NALCN: variants seen among roughly 807,000 people sequenced by gnomAD.
NALCN encodes the protein sodium leak channel NALCN.
Under a neutral mutation model 225.3 loss-of-function variants are expected in NALCN, and 111 were observed. The observed-to-expected ratio is 0.49, with a 90% confidence interval of 0.42 to 0.58. The LOEUF is 0.58. Ranked by LOEUF, NALCN falls within the 20% of genes least tolerant of loss-of-function variation. The pLI, the probability that NALCN is intolerant of heterozygous loss-of-function variation, is 0.00. For synonymous variants in NALCN, 764 were observed against 769.0 expected (o/e 0.99, Z 0.11); for missense variants, 1,378 against 2,202.4 (o/e 0.63, Z 7.49).
At chr13:101,245,909 C>T (rs896118306) in intron 11 of NALCN, among the ~76,000 whole-genome samples, 1 of 152,164 alleles carries the variant, frequency 6.6e-6, no homozygotes, top group African/African-American at 2.4e-5. Context: ...TCACCTCAGC[C>T]TCTGATTGCG....
At chr13:101,393,529 C>T (rs1207995488) in intron 3 of NALCN, among the ~76,000 whole-genome samples, 1 of 152,102 alleles carries the variant, frequency 6.6e-6, no homozygotes, top group African/African-American at 2.4e-5. Context: ...AAAGCTGAAA[C>T]TTAGTGGACT....
chr13:101,366,517 C>T (rs1399844586), intron 6 of NALCN, among the ~76,000 whole-genome samples: 1 of 152,076 alleles, frequency 6.6e-6, no homozygotes, highest in African/African-American at 2.4e-5. Flanking sequence ...AATCGTTTCT[C>T]TTAAATGATT....
chr13:101,240,870 A>G (rs923409481), intron 11 of NALCN, among the ~76,000 whole-genome samples: 12 of 152,186 alleles, frequency 7.9e-5, no homozygotes, highest in African/African-American at 2.9e-4. Flanking sequence ...AAAACTCTAG[A>G]TGATAATGCT....
At chr13:101,148,947 A>G (rs775314798) in intron 15 of NALCN, among the ~76,000 whole-genome samples, 2 of 10,148 alleles carry the variant, frequency 2.0e-4, no homozygotes, top group Non-Finnish European at 3.9e-4. Context: ...GTTTAACCTG[A>G]ACTGATGTCT....
At chr13:101,379,197 A>G (rs2046778409) in intron 3 of NALCN, among the ~76,000 whole-genome samples, 1 of 152,226 alleles carries the variant, frequency 6.6e-6, no homozygotes, top group Admixed American at 6.5e-5. Context: ...AATGGTGATC[A>G]TTAAAAAGTC....
At position 101,083,887 on chromosome 13, in the gene NALCN, C is replaced by T. The variant is rs1196517381; in HGVS notation, c.3490-83G>A. ...ATGGCAGATGGGGTGCCGAGACAAA[C>T]AGGACTGATGTGAGGGCTTGCACTG... On this transcript the variant is annotated intron_variant, in intron 30 of 43. Transcript: ENST00000251127. 5 of 1,303,664 alleles carry T rather than the reference C, an allele frequency of 3.8e-6. 1 individual carries two copies. The East Asian group carries it at 9.6e-5, about 25-fold the overall frequency. 80.8% of individuals were successfully genotyped at this position (1,303,664 alleles called of 1,614,324 possible).
At chr13:101,337,316 A>ATTTTTTT (rs1298172260) in intron 7 of NALCN, among the ~76,000 whole-genome samples, 9 of 147,994 alleles carry the variant, frequency 6.1e-5, no homozygotes, top group African/African-American at 2.3e-4. Flanking sequence ...TTATTTATTT[A>ATTTTTTT]TTTATTTTTT....
intron 11 of NALCN, among the ~76,000 whole-genome samples, chr13:101,250,097 GAAATT>G (rs1357113628): frequency 3.3e-5 from 5 of 152,014 alleles, no homozygotes; most frequent in African/African-American, 1.2e-4. Context: ...AAATGTAATT[GAAATT>G]ATTTCATTCA....
chr13:101,257,104 A>G (rs1318799689), intron 11 of NALCN, among the ~76,000 whole-genome samples: 1 of 151,156 alleles, frequency 6.6e-6, no homozygotes, highest in African/African-American at 2.4e-5. Context: ...CGTGTGCTGG[A>G]TTTTCAGCAA....
At chr13:101,200,189 T>C (rs1277693863) in intron 13 of NALCN, among the ~76,000 whole-genome samples, 4 of 152,144 alleles carry the variant, frequency 2.6e-5, no homozygotes, top group African/African-American at 9.7e-5. Flanking sequence ...TGATGTGTCA[T>C]ATGAAACTCC....
rs1383376051 is a variant in NALCN, at chr13:101,075,724, G to T, written c.3954+149C>A. ...CTAAGCTACTGATTCATTTAACAAT[G>T]TTTAATATTTGTTAATCTTGACTTA... is the stretch of plus-strand genomic sequence containing the variant. On this transcript the variant is annotated intron_variant, in intron 35 of 43. Transcript: ENST00000251127. 7 of 510,594 alleles carry T rather than the reference G, an allele frequency of 1.4e-5. No individual in the cohort carries two copies. In the East Asian group the frequency reaches 2.0e-4, roughly 15 times the overall value. 31.6% of individuals were successfully genotyped at this position (510,594 alleles called of 1,614,324 possible). A position where few individuals can be genotyped will look rare whatever the true frequency, so the allele number is the denominator to read the frequency against.
intron 33 of NALCN, 37 bp from the exon 34 acceptor site, chr13:101,081,683 G>C: frequency 1.9e-6 from 3 of 1,611,520 alleles, no homozygotes; most frequent in African/African-American, 1.3e-5. Context: ...AACAGAGAGA[G>C]TGTTTAGTAC....
intron 6 of NALCN, among the ~76,000 whole-genome samples, chr13:101,366,659 T>C (rs111837079): frequency 3.3e-5 from 5 of 152,138 alleles, no homozygotes; most frequent in African/African-American, 1.2e-4. Context: ...AATTGACAAA[T>C]CATAATTGTA....
intron 6 of NALCN, among the ~76,000 whole-genome samples, chr13:101,367,540 C>A (rs1256369133): frequency 6.6e-6 from 1 of 151,986 alleles, no homozygotes; most frequent in Non-Finnish European, 1.5e-5. Flanking sequence ...AATTCCACGT[C>A]CCATGCATTC....
intron 6 of NALCN, among the ~76,000 whole-genome samples, chr13:101,369,957 C>T (rs540537774): frequency 2.6e-5 from 4 of 152,094 alleles, no homozygotes; most frequent in Non-Finnish European, 5.9e-5. Context: ...TATTTTTTAG[C>T]CATTTCTCCT....
chr13:101,157,191 CA>C (rs1291565352), intron 15 of NALCN, among the ~76,000 whole-genome samples: 2 of 152,142 alleles, frequency 1.3e-5, no homozygotes, highest in Non-Finnish European at 2.9e-5. Context: ...TAAATATATA[CA>C]AAACTAGCTA....
intron 7 of NALCN, among the ~76,000 whole-genome samples, chr13:101,310,324 TC>T (rs1414191989): frequency 6.6e-6 from 1 of 152,132 alleles, no homozygotes; most frequent in Non-Finnish European, 1.5e-5. Flanking sequence ...CCAATCGTAT[TC>T]CCTTTCTCTT....
chr13:101,367,411 AACTAATTATT>A (rs1566621574), intron 6 of NALCN, among the ~76,000 whole-genome samples: 1 of 101,796 alleles, frequency 9.8e-6, no homozygotes, highest in Non-Finnish European at 2.4e-5. Context: ...AACACTTTCT[AACTAATTATT>A]ATTATTATTA....
intron 14 of NALCN, among the ~76,000 whole-genome samples, chr13:101,191,031 CT>C (rs2039658222): frequency 6.6e-6 from 1 of 152,150 alleles, no homozygotes; most frequent in Non-Finnish European, 1.5e-5. Context: ...GGAATACTAT[CT>C]AATCGGGTGT....
Sources: allele counts gnomAD v4.1 joint callset (sites outside exome capture counted in the v4.1 genomes callset), GRCh38; gene constraint gnomAD v4.1.1; transcripts MANE v1.5; gene names NCBI Gene and HGNC (gene_info 2026-07-23, HGNC 2026-07-21).